DNM2: variants seen among roughly 807,000 people sequenced by gnomAD.
DNM2 encodes dynamin-2.
Under a neutral mutation model 99.0 loss-of-function variants are expected in DNM2, and 15 were observed. That is an observed-to-expected ratio of 0.15 (90% CI 0.10 to 0.23). The LOEUF (loss-of-function observed/expected upper bound fraction) is 0.23. DNM2 is among the 10% of genes least tolerant of loss of function. The probability of loss-of-function intolerance (pLI) is 1.00; values close to 1 mark genes in which losing one functional copy is unlikely to be tolerated. For synonymous variants in DNM2, 525 were observed against 481.2 expected, an observed-to-expected ratio of 1.09 and a Z score of -1.19; for missense variants, 742 against 1,189.4, an observed-to-expected ratio of 0.62 and a Z score of 5.53.
chr19:10,720,413 A>G (rs1304111590), intron 1 of DNM2, among the ~76,000 whole-genome samples: 4 of 151,796 alleles, frequency 2.6e-5, no homozygotes, highest in Admixed American at 1.3e-4. Context: ...GGGTTTCACC[A>G]TGTTGGCCAG....
chr19:10,826,041 C>T (rs937944758), intron 18 of DNM2, among the ~76,000 whole-genome samples: 3 of 151,990 alleles, frequency 2.0e-5, no homozygotes, highest in Admixed American at 6.6e-5. Context: ...TGTCCAACAA[C>T]AGCAACAACA....
chr19:10,778,670 A>G (rs979619851), intron 5 of DNM2, among the ~76,000 whole-genome samples: 4 of 152,056 alleles, frequency 2.6e-5, no homozygotes, highest in African/African-American at 4.8e-5. Flanking sequence ...AAAAAATTCT[A>G]TAAATCCTAG....
chr19:10,811,822 G>A lies in DNM2; in HGVS notation c.1558-442G>A, dbSNP rs1240900696. On this transcript the variant is annotated intron_variant, in intron 14 of 20. Coordinates refer to ENST00000389253, the MANE Select transcript of DNM2 (RefSeq NM_001005361.3). The surrounding 1 kb of genome is among the most constrained non-coding windows in gnomAD (Gnocchi z 5.4). The stretch of plus-strand genomic sequence containing the variant: ...GCAGCCAGCTTGGGACATGAGCCGC[G>A]CTCCTTCAATGTCCTTGGGGAGGGC... 5 of 516,842 alleles carry A rather than the reference G, an allele frequency of 9.7e-6. No homozygotes were observed. The highest frequency in any genetic ancestry group is 1.5e-5 in the Non-Finnish European group (4 of 259,212). 32.0% of individuals were successfully genotyped at this position (516,842 alleles called of 1,614,324 possible).
In DNM2 at chr19:10,819,997, C is replaced by T. The variant is rs1485909266; in HGVS notation, c.1689C>T (p.Tyr563=). 6.2e-7 allele frequency: 1 copy of T among 1,614,178 alleles called. No homozygotes were observed. Among genetic ancestry groups the T allele is most frequent in the East Asian group, 2.2e-5 (1 of 44,878 alleles). Reference sequence around the variant, plus strand: ...ACCCTCAGGAGAAAGAGAAGAAGTACATGCTGCCTCTGGACAACCTCAAGA... The same window carrying T: ...ACCCTCAGGAGAAAGAGAAGAAGTATATGCTGCCTCTGGACAACCTCAAGA... The part of the protein sequence containing the change: ...YKDEEEKEKK[Y]MLPLDNLKIR... Residue 563 remains tyrosine (Y), a synonymous_variant, in exon 16 of 21, where the codon TAC becomes TAT. Coordinates refer to ENST00000389253, the MANE Select transcript of DNM2 (RefSeq NM_001005361.3).
At chr19:10,726,001 A>G (rs1295577785) in intron 1 of DNM2, among the ~76,000 whole-genome samples, 1 of 152,062 alleles carries the variant, frequency 6.6e-6, no homozygotes, top group African/African-American at 2.4e-5. Flanking sequence ...CGGGCGGATC[A>G]CGGGGTCAAG....
At chr19:10,783,166 A>C (rs762883481) in intron 6 of DNM2, 46 bp downstream of exon 6, 1 of 1,599,576 alleles carries the variant, frequency 6.3e-7, no homozygotes, top group South Asian at 1.1e-5. Flanking sequence ...TAGGCTGTGC[A>C]CTGCACAACA....
At chr19:10,783,651 CA>C (rs2071449400) in intron 6 of DNM2, among the ~76,000 whole-genome samples, 2 of 151,324 alleles carry the variant, frequency 1.3e-5, no homozygotes, top group Non-Finnish European at 2.9e-5. Context: ...GGGTTGGTGA[CA>C]GGGGGTTAAT....
At chr19:10,807,433 G>C (rs1274089387) in intron 13 of DNM2, among the ~76,000 whole-genome samples, 2 of 151,632 alleles carry the variant, frequency 1.3e-5, no homozygotes, top group Non-Finnish European at 2.9e-5. Flanking sequence ...GTAGAGAGGG[G>C]GTTTCACCAT....
rs114683503 is a variant in DNM2 at position 10,795,758 on chromosome 19, G to A, written c.1196+319G>A. On this transcript the variant is annotated intron_variant, in intron 9 of 20. Transcript: ENST00000389253. This position sits in a 1 kb window ranked among gnomAD's most constrained non-coding sequence, Gnocchi z 4.2. ...ACTGCAGATTTGCCTGGGGAGGGGCGGGGCGGCACTGAATCAGGGTTTTGG... is the reference window on the plus strand; with the variant it reads ...ACTGCAGATTTGCCTGGGGAGGGGCAGGGCGGCACTGAATCAGGGTTTTGG... 324 of 580,406 alleles carry A rather than the reference G, an allele frequency of 5.6e-4. No homozygotes were observed. The highest frequency in any genetic ancestry group is 5.3e-3 in the African/African-American group (285 of 53,632). 36.0% of individuals were successfully genotyped at this position (580,406 alleles called of 1,614,324 possible).
intron 7 of DNM2, among the ~76,000 whole-genome samples, chr19:10,790,079 T>TGA (rs2071698764): frequency 6.6e-6 from 1 of 152,216 alleles, no homozygotes; most frequent in African/African-American, 2.4e-5. Flanking sequence ...GCATTTTATC[T>TGA]GAGGGTCCAA....
chr19:10,815,892 T>TG (rs1214641906), intron 15 of DNM2, among the ~76,000 whole-genome samples: 1 of 152,044 alleles, frequency 6.6e-6, no homozygotes, highest in African/African-American at 2.4e-5. Flanking sequence ...GAAGGCAGGC[T>TG]GGGGGGCCCC....
At chr19:10,751,401 A>C (rs964867145) in intron 1 of DNM2, among the ~76,000 whole-genome samples, 2 of 152,238 alleles carry the variant, frequency 1.3e-5, no homozygotes, top group Non-Finnish European at 1.5e-5. Flanking sequence ...TGCGGATGGG[A>C]TCAACGAGGA....
At position 10,831,562 on chromosome 19, in the gene DNM2, C is replaced by T. The variant is rs930104899; in HGVS notation, c.*515C>T. The T allele has an allele frequency of 1.2e-4, 117 of 986,162 alleles. No homozygotes were observed. In the African/African-American group the frequency reaches 2.0e-3, roughly 17 times the overall value. The allele number at this position is 986,162 out of a possible 1,614,324, so 61.1% of individuals were successfully genotyped here. A position where few individuals can be genotyped will look rare whatever the true frequency, so the allele number is the denominator to read the frequency against. On this transcript the variant is annotated 3_prime_UTR_variant, in exon 21 of 21. Coordinates refer to ENST00000389253, the MANE Select transcript of DNM2 (RefSeq NM_001005361.3). The surrounding 1 kb of genome is among the most constrained non-coding windows in gnomAD (Gnocchi z 4.3). ...TGGCAGGCCTGAGGTGTACATAGTCCTTCCCGGCCATATTAACCACACAGC... is the reference window on the plus strand; with the variant it reads ...TGGCAGGCCTGAGGTGTACATAGTCTTTCCCGGCCATATTAACCACACAGC...
Position 10,793,884 on chromosome 19 carries a change from G to A in DNM2, c.1128+29G>A, listed in dbSNP as rs367698794. The A allele has an allele frequency of 2.7e-5, 44 of 1,613,828 alleles. No homozygotes were observed. The Middle Eastern group carries it at 6.6e-4, about 24-fold the overall frequency. On this transcript the variant is annotated intron_variant, in intron 8 of 20. Coordinates refer to ENST00000389253, the MANE Select transcript of DNM2 (RefSeq NM_001005361.3). ...GTGCCCCCCGGGGCTGGGCCCTCCCGTCTCTGGTCAGGCACCCTCCTGCTG... is the reference window on the plus strand; with the variant it reads ...GTGCCCCCCGGGGCTGGGCCCTCCCATCTCTGGTCAGGCACCCTCCTGCTG...
intron 5 of DNM2, among the ~76,000 whole-genome samples, chr19:10,779,736 A>G (rs1359578220): frequency 6.6e-6 from 1 of 151,566 alleles, no homozygotes; most frequent in Admixed American, 6.6e-5. Context: ...CCCAGGCTGG[A>G]GTGCAGGGGC....
intron 7 of DNM2, 142 bp from the exon 8 acceptor site, chr19:10,793,578 T>A: frequency 1.3e-6 from 2 of 1,491,682 alleles, no homozygotes; most frequent in Non-Finnish European, 1.9e-6. Context: ...TGAATTTGGT[T>A]TATTTGTCTT....
chr19:10,816,202 C>T lies in DNM2; in HGVS notation c.1672-3778C>T, dbSNP rs1234742827. ...CTGAGGGACACCCCAGCCCGACATC[C>T]GAACACCTCCGCTGCAGCCCAGGCC... On this transcript the variant is annotated intron_variant, in intron 15 of 20. Coordinates refer to ENST00000389253, the MANE Select transcript of DNM2 (RefSeq NM_001005361.3). The surrounding 1 kb of genome is among the most constrained non-coding windows in gnomAD (Gnocchi z 4.6). Among the ~76,000 whole-genome samples, 3 of 152,080 alleles carry T rather than the reference C, an allele frequency of 2.0e-5. No homozygotes were observed. The highest frequency in any genetic ancestry group is 1.9e-4 in the East Asian group (1 of 5,160).
chr19:10,743,575 C>T (rs573437259), intron 1 of DNM2, among the ~76,000 whole-genome samples: 4 of 151,754 alleles, frequency 2.6e-5, no homozygotes, highest in Admixed American at 6.6e-5. Context: ...CTTTGGGAGG[C>T]GGAGGCAGGT....
At position 10,765,048 on chromosome 19, in the gene DNM2, C is replaced by T. The variant is rs1258348120; in HGVS notation, c.235+5237C>T. 1.3e-5 allele frequency among the ~76,000 whole-genome samples: 2 copies of T among 151,672 alleles called. No homozygotes were observed. The highest frequency in any genetic ancestry group is 2.9e-5 in the Non-Finnish European group (2 of 67,914). ...TCTCAGCTCACTGCAAGCTCCGCCT[C>T]CCGGGTTCACACCATGCTCCTGTCT... is the stretch of plus-strand genomic sequence containing the variant. On this transcript the variant is annotated intron_variant, in intron 2 of 20. Coordinates refer to ENST00000389253, the MANE Select transcript of DNM2 (RefSeq NM_001005361.3). This position sits in a 1 kb window ranked among gnomAD's most constrained non-coding sequence, Gnocchi z 4.4.
Sources: gnomAD v4.1 joint callset for allele counts (sites outside exome capture counted in the v4.1 genomes callset) on GRCh38, gnomAD v4.1.1 for gene constraint, Gnocchi (gnomAD v3.1) non-coding constraint, MANE v1.5 for transcripts, NCBI Gene and HGNC (gene_info 2026-07-23, HGNC 2026-07-21) for gene names.